Variants in STX12 observed in about 807,000 individuals in gnomAD.
STX12 encodes the protein syntaxin 12, also known as syntaxin-12.
Under a neutral mutation model 42.2 loss-of-function variants are expected in STX12, and 17 were observed. The observed-to-expected ratio is 0.40, with a 90% CI of 0.28 to 0.60. The LOEUF is 0.60. Ranked by LOEUF, STX12 falls within the 20% of genes least tolerant of loss-of-function variation. The probability of loss-of-function intolerance (pLI) is 0.39; values close to 1 mark genes in which losing one functional copy is unlikely to be tolerated. For missense variants in STX12, 297 were observed against 330.9 expected (o/e 0.90, Z 0.79); for synonymous variants, 108 against 116.7 (o/e 0.93, Z 0.48).
chr1:27,775,004 G>A (rs1299632548), intron 1 of STX12, among the ~76,000 whole-genome samples: 2 of 152,102 alleles, frequency 1.3e-5, no homozygotes, highest in East Asian at 3.9e-4. Context: ...TTAAAATCCA[G>A]AAGTAAAAAA....
chr1:27,784,750 C>T (rs879863553), intron 1 of STX12, among the ~76,000 whole-genome samples: 2 of 152,046 alleles, frequency 1.3e-5, no homozygotes, highest in African/African-American at 4.8e-5. Flanking sequence ...CACTGTTGTC[C>T]TTATGATTTG....
At chr1:27,788,932 A>T (rs1261767599) in intron 1 of STX12, among the ~76,000 whole-genome samples, 1 of 152,130 alleles carries the variant, frequency 6.6e-6, no homozygotes, top group African/African-American at 2.4e-5. Flanking sequence ...GAATGGCATG[A>T]ACCCAGGAGG....
At chr1:27,779,045 A>C (rs1455297862) in intron 1 of STX12, among the ~76,000 whole-genome samples, 1 of 152,146 alleles carries the variant, frequency 6.6e-6, no homozygotes, top group Admixed American at 6.5e-5. Context: ...GAACATTTAA[A>C]ATTGATTATT....
chr1:27,788,555 A>G lies in STX12; in HGVS notation c.119-1007A>G, dbSNP rs766078295. The stretch of plus-strand genomic sequence containing the variant: ...GGTAGAGAAGGCTGAACAAAACCAT[A>G]TGTTTGACTGTATTATGGTATAGAC... On this transcript the variant is annotated intron_variant, in intron 1 of 8. Coordinates refer to ENST00000373943, the MANE Select transcript of STX12 (RefSeq NM_177424.3). 6.8e-4 allele frequency among the ~76,000 whole-genome samples: 103 copies of G among 152,154 alleles called. 1 individual carries two copies. Among genetic ancestry groups the G allele is most frequent in the Non-Finnish European group, 1.4e-3 (95 of 68,022 alleles).
intron 6 of STX12, among the ~76,000 whole-genome samples, chr1:27,814,148 C>T (rs1243917749): frequency 6.6e-6 from 1 of 152,128 alleles, no homozygotes; most frequent in African/African-American, 2.4e-5. Flanking sequence ...ATAGTTTATC[C>T]TTAAGTTATG....
chr1:27,805,425 T>TATTTTC (rs2088856686), intron 4 of STX12, among the ~76,000 whole-genome samples: 2 of 152,238 alleles, frequency 1.3e-5, no homozygotes, highest in Non-Finnish European at 2.9e-5. Context: ...AGAGTAGCAT[T>TATTTTC]ATTTTCATTT....
chr1:27,804,462 TAAAAAA>T (rs1048197774), intron 4 of STX12, among the ~76,000 whole-genome samples: 1 of 141,790 alleles, frequency 7.1e-6, no homozygotes, highest in East Asian at 2.1e-4. Context: ...TCTTGAATCT[TAAAAAA>T]AAAAAAAATT....
At chr1:27,780,102 C>CT (rs1453841432) in intron 1 of STX12, among the ~76,000 whole-genome samples, 3 of 151,860 alleles carry the variant, frequency 2.0e-5, no homozygotes, top group East Asian at 1.9e-4. Flanking sequence ...TTGGTTCCTC[C>CT]TTTTTTTAGT....
chr1:27,814,093 G>A (rs567653962), intron 6 of STX12, among the ~76,000 whole-genome samples: 1 of 152,126 alleles, frequency 6.6e-6, no homozygotes, highest in East Asian at 1.9e-4. Context: ...TAGAGACGAG[G>A]TTTTGCCATT....
chr1:27,822,159 C>G, intron 8 of STX12, 72 bp from the exon 9 acceptor site: 2 of 893,108 alleles, frequency 2.2e-6, no homozygotes, highest in South Asian at 2.7e-5. Context: ...ATTTATGAAG[C>G]ATTCTTAGAG....
At chr1:27,811,981 G>A in intron 5 of STX12, 182 bp from the exon 6 acceptor site, 1 of 671,044 alleles carries the variant, frequency 1.5e-6, no homozygotes, top group South Asian at 1.5e-5. Flanking sequence ...TTGTTTTCCT[G>A]ATATCATCAG....
intron 3 of STX12, among the ~76,000 whole-genome samples, chr1:27,799,318 CTTGT>C (rs1415216574): frequency 6.6e-6 from 1 of 152,102 alleles, no homozygotes; most frequent in Non-Finnish European, 1.5e-5. Context: ...TTCTGTTTGA[CTTGT>C]TTCTTTTTTC....
At chr1:27,775,804 A>G (rs569817773) in intron 1 of STX12, among the ~76,000 whole-genome samples, 6 of 152,312 alleles carry the variant, frequency 3.9e-5, no homozygotes, top group African/African-American at 1.4e-4. Context: ...GGACCTTCGA[A>G]GGTAAAGAGG....
chr1:27,796,703 GT>G (rs113275488), intron 3 of STX12, among the ~76,000 whole-genome samples: 7,252 of 136,510 alleles, frequency 0.053, 321 homozygotes, highest in East Asian at 0.25. Flanking sequence ...TTTGTAAAGA[GT>G]TTTTTTTTTT....
intron 1 of STX12, among the ~76,000 whole-genome samples, chr1:27,776,074 A>AAATGAAAAG (rs1329194624): frequency 6.6e-6 from 1 of 152,342 alleles, no homozygotes; most frequent in East Asian, 1.9e-4. Flanking sequence ...AGGGCTGTGA[A>AAATGAAAAG]AATGAAAAGA....
chr1:27,778,951 G>A (rs2088645781), intron 1 of STX12, among the ~76,000 whole-genome samples: 1 of 152,104 alleles, frequency 6.6e-6, no homozygotes, highest in African/African-American at 2.4e-5. Flanking sequence ...TAGAGACGGG[G>A]GTCTCGCTGT....
rs1015223567 is a variant in STX12 at position 27,822,946 on chromosome 1, T to C, written c.*617T>C. On this transcript the variant is annotated 3_prime_UTR_variant, in exon 9 of 9. Transcript: ENST00000373943. The stretch of plus-strand genomic sequence containing the variant: ...CTGGAGTACATGTTACTAATCTGGG[T>C]TTAAAGTTTACTTCATTATCTGCTA... 1 of 152,212 alleles carries C rather than the reference T, an allele frequency of 6.6e-6. No individual in the cohort carries two copies. The highest frequency in any genetic ancestry group is 2.4e-5 in the African/African-American group (1 of 41,438). The allele number at this position is 152,212 out of a possible 1,614,324, so 9.4% of individuals were successfully genotyped here. A position where few individuals can be genotyped will look rare whatever the true frequency, so the allele number is the denominator to read the frequency against.
intron 4 of STX12, among the ~76,000 whole-genome samples, chr1:27,807,712 T>C (rs1359479262): frequency 6.6e-6 from 1 of 152,214 alleles, no homozygotes; most frequent in East Asian, 1.9e-4. Context: ...CCTGTATGTG[T>C]TATACCAGGA....
intron 1 of STX12, among the ~76,000 whole-genome samples, chr1:27,779,166 C>T (rs1160852144): frequency 6.6e-6 from 1 of 152,202 alleles, no homozygotes; most frequent in African/African-American, 2.4e-5. Flanking sequence ...TGTATTTCAA[C>T]AGCATATTCA....
Sources: allele counts gnomAD v4.1 joint callset (sites outside exome capture counted in the v4.1 genomes callset), GRCh38; gene constraint gnomAD v4.1.1; transcripts MANE v1.5; gene names NCBI Gene and HGNC (gene_info 2026-07-23, HGNC 2026-07-21).